PRH1: variants seen among roughly 807,000 people sequenced by gnomAD.
PRH1 encodes the protein salivary acidic proline-rich phosphoprotein 1/2.
In PRH1, 7 loss-of-function variants were observed where a neutral mutation model predicts 7.9. The observed-to-expected ratio is 0.89, with a 90% CI of 0.50 to 1.67. The LOEUF (loss-of-function observed/expected upper bound fraction) is 1.67. Ranked by LOEUF, PRH1 falls within the 40% of genes most tolerant of loss-of-function variation. The probability of loss-of-function intolerance (pLI) is 0.00; values close to 1 mark genes in which losing one functional copy is unlikely to be tolerated. For synonymous variants in PRH1, 45 were observed against 80.8 expected, an observed-to-expected ratio of 0.56 and a Z score of 2.38; for missense variants, 109 against 223.6, an observed-to-expected ratio of 0.49 and a Z score of 3.27.
intron 1 of PRH1, among the ~76,000 whole-genome samples, chr12:11,039,387 C>T (rs1178088538): frequency 6.6e-6 from 1 of 152,226 alleles, no homozygotes; most frequent in African/African-American, 2.4e-5. Context: ...ATGATAATTT[C>T]CAAAACAGCT....
chr12:11,079,737 T>C (rs569515839), intron 1 of PRH1, among the ~76,000 whole-genome samples: 3 of 117,554 alleles, frequency 2.6e-5, no homozygotes, highest in East Asian at 2.1e-4. Flanking sequence ...GAAAAACCTA[T>C]TGAAAAATCT....
intron 2 of PRH1, among the ~76,000 whole-genome samples, chr12:10,931,851 T>C (rs1950218336): frequency 6.6e-6 from 1 of 152,194 alleles, no homozygotes; most frequent in African/African-American, 2.4e-5. Flanking sequence ...ATGATGCTAT[T>C]GTTTGGTTTT....
intron 1 of PRH1, among the ~76,000 whole-genome samples, chr12:11,148,340 G>A (rs543241925): frequency 1.1e-4 from 16 of 151,930 alleles, no homozygotes; most frequent in African/African-American, 3.6e-4. Context: ...TAGGAGTGGT[G>A]AGAGAGGGCA....
At chr12:11,128,053 G>A (rs1946194340) in intron 1 of PRH1, among the ~76,000 whole-genome samples, 2 of 142,950 alleles carry the variant, frequency 1.4e-5, no homozygotes, top group African/African-American at 5.1e-5. Context: ...GGAGCTTGCA[G>A]TGAGCCGAGA....
chr12:10,994,686 A>G (rs1331153470), intron 1 of PRH1, among the ~76,000 whole-genome samples: 1 of 152,146 alleles, frequency 6.6e-6, no homozygotes, highest in Admixed American at 6.5e-5. Flanking sequence ...TATAATTATT[A>G]TTCATTCATT....
chr12:11,018,849 C>A (rs931554707), intron 1 of PRH1, among the ~76,000 whole-genome samples: 34 of 152,266 alleles, frequency 2.2e-4, no homozygotes, highest in Non-Finnish European at 1.5e-4. Context: ...ACTGTCAAGT[C>A]TCAAGGAGAG....
At position 11,059,499 on chromosome 12, in the gene PRH1, A is replaced by C. The variant is rs534453002; in HGVS notation, n.124-12311T>G. On this transcript the variant is annotated intron_variant and non_coding_transcript_variant, in intron 1 of 4. Coordinates refer to the PRH1 transcript ENST00000541977. ...AAAATGAAATGCCATTTTTGTTTAA[A>C]TAATAATCAACTAGAAAATATCATA... Among the ~76,000 whole-genome samples the C allele has an allele frequency of 6.9e-3, 1,048 of 150,998 alleles. 16 individuals carry two copies. Among genetic ancestry groups the C allele is most frequent in the African/African-American group, 0.025 (1,014 of 41,328 alleles).
rs139253542 is a variant in PRH1, at chr12:10,922,825, C to CTTTTTTT, written c.-58-38551_-58-38550insAAAAAAA. ...ATTGCATCTTTTCCATGAATTTTTT[C>CTTTTTTT]TTTTTCTTTTTTTTGAGACGGAGTC... On this transcript the variant is annotated intron_variant, in intron 2 of 3. Transcript: ENST00000539853. Among the ~76,000 whole-genome samples the CTTTTTTT allele has an allele frequency of 4.1e-4, 46 of 113,572 alleles. 6 individuals carry two copies. The highest frequency in any genetic ancestry group is 1.1e-3 in the African/African-American group (36 of 33,674). The allele number at this position is 113,572 out of a possible 152,430, so 74.5% of individuals were successfully genotyped here. A position where few individuals can be genotyped will look rare whatever the true frequency, so the allele number is the denominator to read the frequency against.
intron 1 of PRH1, among the ~76,000 whole-genome samples, chr12:10,976,899 G>C (rs1445614903): frequency 6.6e-6 from 1 of 151,946 alleles, no homozygotes; most frequent in African/African-American, 2.4e-5. Context: ...CCGATGATGA[G>C]TTCCAAAATT....
chr12:11,104,546 T>C (rs1343720013), intron 1 of PRH1, among the ~76,000 whole-genome samples: 1 of 152,000 alleles, frequency 6.6e-6, no homozygotes, highest in Admixed American at 6.6e-5. Context: ...TTTTGATCAC[T>C]GTATAGTATT....
upstream of PRH1, among the ~76,000 whole-genome samples, chr12:11,051,018 G>T (rs1402346877): frequency 6.6e-6 from 1 of 152,250 alleles, no homozygotes. Context: ...ACCAAACCTA[G>T]CTGACAAAAA....
intron 2 of PRH1, chr12:10,909,000 G>C (rs1949852586): frequency 6.2e-7 from 1 of 1,613,622 alleles, no homozygotes; most frequent in African/African-American, 1.3e-5. Context: ...GAAGATTGTA[G>C]CAAGCCAGAG....
intron 1 of PRH1, among the ~76,000 whole-genome samples, chr12:11,104,659 ATG>A (rs1230517171): frequency 2.7e-5 from 4 of 149,328 alleles, no homozygotes; most frequent in Non-Finnish European, 6.0e-5. Context: ...ATGCATGTGT[ATG>A]TATATGTATT....
At chr12:11,054,972 C>T (rs1270473238) in intron 1 of PRH1, among the ~76,000 whole-genome samples, 2 of 111,920 alleles carry the variant, frequency 1.8e-5, no homozygotes, top group Admixed American at 1.9e-4. Context: ...ACTGCAAGCT[C>T]CATCTCCCAG....
At chr12:11,135,455 C>A (rs374952229) in intron 1 of PRH1, among the ~76,000 whole-genome samples, 12 of 150,304 alleles carry the variant, frequency 8.0e-5, no homozygotes, top group African/African-American at 2.9e-4. Context: ...CAAACTCTAA[C>A]GACCTCCAAG....
chr12:11,045,678 T>C (rs1031898296), intron 1 of PRH1, among the ~76,000 whole-genome samples: 1 of 152,160 alleles, frequency 6.6e-6, no homozygotes, highest in African/African-American at 2.4e-5. Flanking sequence ...TGTAAAATTA[T>C]GCTTTCAAAT....
At chr12:11,073,047 C>T (rs1944145608) in intron 1 of PRH1, among the ~76,000 whole-genome samples, 1 of 147,798 alleles carries the variant, frequency 6.8e-6, no homozygotes, top group Admixed American at 6.8e-5. Flanking sequence ...AGAGATACAC[C>T]TGATAATATT....
chr12:11,027,542 G>A (rs534048924), intron 1 of PRH1, among the ~76,000 whole-genome samples: 75 of 152,314 alleles, frequency 4.9e-4, no homozygotes, highest in African/African-American at 1.8e-3. Flanking sequence ...AATGTTTTGG[G>A]GGCCTATTGG....
At chr12:10,884,410 C>G (rs1337860484), upstream of PRH1, 3 of 643,978 alleles carry the variant, frequency 4.7e-6, no homozygotes, top group Admixed American at 2.6e-5. Flanking sequence ...TCTAGCTCAG[C>G]AGGAAGGGTT....
Sources: gnomAD v4.1 joint callset for allele counts (sites outside exome capture counted in the v4.1 genomes callset) on GRCh38, gnomAD v4.1.1 for gene constraint, MANE v1.5 for transcripts, NCBI Gene and HGNC (gene_info 2026-07-23, HGNC 2026-07-21) for gene names.